NUDT5: variants seen among roughly 807,000 people sequenced by gnomAD.
NUDT5 encodes the protein ADP-sugar pyrophosphatase.
In NUDT5, 21 loss-of-function variants were observed where a neutral mutation model predicts 34.1. The observed-to-expected ratio is 0.62, with a 90% CI of 0.44 to 0.89. The LOEUF (loss-of-function observed/expected upper bound fraction) is 0.89. Ranked by LOEUF, NUDT5 falls within the 40% of genes least tolerant of loss-of-function variation. The pLI is 0.00. For missense variants in NUDT5, 249 were observed against 274.8 expected (o/e 0.91, Z 0.66); for synonymous variants, 85 against 97.6 (o/e 0.87, Z 0.76).
intron 1 of NUDT5, among the ~76,000 whole-genome samples, chr10:12,188,604 G>A (rs577194291): frequency 7.2e-5 from 11 of 152,142 alleles, no homozygotes; most frequent in South Asian, 2.1e-4. Flanking sequence ...GGTGGGGTGC[G>A]CCTGTAGCCC....
intron 1 of NUDT5, among the ~76,000 whole-genome samples, chr10:12,194,461 G>A (rs1423120210): frequency 6.6e-6 from 1 of 152,174 alleles, no homozygotes; most frequent in Non-Finnish European, 1.5e-5. Flanking sequence ...AGAAAGGACT[G>A]CATAGTTCCG....
intron 1 of NUDT5, among the ~76,000 whole-genome samples, chr10:12,192,311 A>G (rs1032776319): frequency 4.0e-5 from 6 of 151,810 alleles, no homozygotes; most frequent in African/African-American, 1.5e-4. Context: ...TCCAAAAAAA[A>G]AAAGAAAAGA....
In NUDT5 at chr10:12,165,937, A is replaced by G. The variant is rs1010874407; in HGVS notation, c.*1765T>C. 1 of 152,234 alleles carries G rather than the reference A, an allele frequency of 6.6e-6. No individual in the cohort carries two copies. The highest frequency in any genetic ancestry group is 2.4e-5 in the African/African-American group (1 of 41,458). The allele number at this position is 152,234 out of a possible 1,614,324, so 9.4% of individuals were successfully genotyped here. On this transcript the variant is annotated 3_prime_UTR_variant, in exon 10 of 10. Transcript: ENST00000491614. ...ATTTTTTTTTCCCTTAAGAAGGTGG[A>G]AATATGGCTTTTAATACATAGGAAA...
Position 12,182,976 on chromosome 10 carries a change from A to C in NUDT5, c.131+1913T>G, listed in dbSNP as rs1401284414. On this transcript the variant is annotated intron_variant, in intron 3 of 9. Transcript: ENST00000491614. This position sits in a 1 kb window ranked among gnomAD's most constrained non-coding sequence, Gnocchi z 4.3. The stretch of plus-strand genomic sequence containing the variant: ...GGTCTCGAACTCTTGACCTCAAGTG[A>C]TCCACCCACCTTGGCCTCCCAAAGT... 1.3e-5 allele frequency among the ~76,000 whole-genome samples: 2 copies of C among 152,164 alleles called. No individual in the cohort carries two copies. Among genetic ancestry groups the C allele is most frequent in the African/African-American group, 4.8e-5 (2 of 41,436 alleles).
Position 12,169,378 on chromosome 10 carries a change from A to G in NUDT5, c.550+1339T>C. On this transcript the variant is annotated intron_variant, in intron 9 of 9. Transcript: ENST00000491614. The surrounding 1 kb of genome is among the most constrained non-coding windows in gnomAD (Gnocchi z 4.8). Reference sequence around the variant, plus strand: ...ACTTGCCTACGTCACCCTGCTTTCCACGCACCTCCTCAGAGGGAGGGGCTG... The same window carrying G: ...ACTTGCCTACGTCACCCTGCTTTCCGCGCACCTCCTCAGAGGGAGGGGCTG... 8.0e-7 allele frequency: 1 copy of G among 1,255,146 alleles called. No individual in the cohort carries two copies. The highest frequency in any genetic ancestry group is 2.2e-5 in the Admixed American group (1 of 46,288). 77.8% of individuals were successfully genotyped at this position (1,255,146 alleles called of 1,614,324 possible). A position where few individuals can be genotyped will look rare whatever the true frequency, so the allele number is the denominator to read the frequency against.
At chr10:12,191,389 AAAAAC>A (rs751960228) in intron 1 of NUDT5, among the ~76,000 whole-genome samples, 4 of 144,502 alleles carry the variant, frequency 2.8e-5, no homozygotes, top group African/African-American at 5.2e-5. Flanking sequence ...TCTCAAAAAC[AAAAAC>A]AAAACAAAAC....
At chr10:12,177,144 A>G (rs188382099) in intron 5 of NUDT5, among the ~76,000 whole-genome samples, 144 of 151,172 alleles carry the variant, frequency 9.5e-4, no homozygotes, top group African/African-American at 3.3e-3. Flanking sequence ...AGCCTGGCCT[A>G]CTTATCATTG....
At chr10:12,194,268 C>G (rs1452124366) in intron 1 of NUDT5, among the ~76,000 whole-genome samples, 1 of 152,270 alleles carries the variant, frequency 6.6e-6, no homozygotes, top group Non-Finnish European at 1.5e-5. Context: ...TCATTCCTAT[C>G]TTCATTAGAA....
chr10:12,184,841 C>A, intron 3 of NUDT5, 48 bp downstream of exon 3: 1 of 1,071,988 alleles, frequency 9.3e-7, no homozygotes, highest in East Asian at 2.4e-5. Context: ...AACAGATAAC[C>A]TGAGAACCCA....
Position 12,171,046 on chromosome 10 carries a change from G to C in NUDT5, c.488-138C>G. ...TCTGCTAACTTAATTTATATACATT[G>C]TCAAACTCGAGCAGTATGAAGTTAT... On this transcript the variant is annotated intron_variant, in intron 7 of 9. Transcript: ENST00000491614. This position sits in a 1 kb window ranked among gnomAD's most constrained non-coding sequence, Gnocchi z 4.2. 8.0e-6 allele frequency: 7 copies of C among 870,556 alleles called. 1 individual carries two copies. In the South Asian group the frequency reaches 1.1e-4, roughly 14 times the overall value. 53.9% of individuals were successfully genotyped at this position (870,556 alleles called of 1,614,324 possible).
Position 12,177,875 on chromosome 10 carries a change from C to T in NUDT5, c.207G>A (p.Gln69=). The change falls in exon 5 of 10, where the codon CAG becomes CAA. Residue 69 remains glutamine, a synonymous_variant. Transcript: ENST00000491614. ...CGATACACTCATAGTGAAGTGTTCTCTGCAGCACGGGGATGACCGCGACAC... is the reference window on the plus strand; with the variant it reads ...CGATACACTCATAGTGAAGTGTTCTTTGCAGCACGGGGATGACCGCGACAC... ...ADGVAVIPVL[Q]RTLHYECIVL... 1 of 1,614,112 alleles carries T rather than the reference C, an allele frequency of 6.2e-7. No individual in the cohort carries two copies. The highest frequency in any genetic ancestry group is 8.5e-7 in the Non-Finnish European group (1 of 1,179,990).
chr10:12,170,661 T>C lies in NUDT5; in HGVS notation c.550+56A>G. ...GAGTTATATTTAGTACCCAGTTTGC[T>C]GGGATGGGGACGGGGAGAACTGGAG... On this transcript the variant is annotated intron_variant, in intron 9 of 9. Coordinates refer to ENST00000491614, the MANE Select transcript of NUDT5 (RefSeq NM_014142.4). The surrounding 1 kb of genome is among the most constrained non-coding windows in gnomAD (Gnocchi z 4.9). 1 of 1,514,706 alleles carries C rather than the reference T, an allele frequency of 6.6e-7. No individual in the cohort carries two copies. Among genetic ancestry groups the C allele is most frequent in the Non-Finnish European group, 9.2e-7 (1 of 1,091,210 alleles). 93.8% of individuals were successfully genotyped at this position (1,514,706 alleles called of 1,614,324 possible). A position where few individuals can be genotyped will look rare whatever the true frequency, so the allele number is the denominator to read the frequency against.
Position 12,173,733 on chromosome 10 carries a change from C to G in NUDT5, c.370G>C (p.Ala124Pro). ...CAATACCAACCTGGAGAACATTCGG[C>G]AATGTCCCCTTTGTAGCCAGTTTCT... Reference protein sequence around the residue: ...EEETGYKGDIAECSPAVCMDP... With the variant: ...EEETGYKGDIPECSPAVCMDP... The change falls in exon 6 of 10, where the codon GCC becomes CCC. Residue 124 changes from alanine (A) to proline (P), a missense_variant. By Grantham distance (27) the Ala-to-Pro change is conservative (BLOSUM62 -1). Transcript: ENST00000491614. The surrounding 1 kb of genome is among the most constrained non-coding windows in gnomAD (Gnocchi z 4.7). 1 of 1,613,514 alleles carries G rather than the reference C, an allele frequency of 6.2e-7. No homozygotes were observed. Among genetic ancestry groups the G allele is most frequent in the South Asian group, 1.1e-5 (1 of 91,080 alleles).
intron 1 of NUDT5, among the ~76,000 whole-genome samples, chr10:12,194,765 G>C (rs553171435): frequency 6.6e-6 from 1 of 152,190 alleles, no homozygotes; most frequent in Non-Finnish European, 1.5e-5. Flanking sequence ...AACTACTTAG[G>C]TGAACCAGGA....
In NUDT5 at chr10:12,171,648, G is replaced by C. The variant is rs1162695904; in HGVS notation, c.488-740C>G. Among the ~76,000 whole-genome samples, 2 of 151,734 alleles carry C rather than the reference G, an allele frequency of 1.3e-5. No homozygotes were observed. The highest frequency in any genetic ancestry group is 2.9e-5 in the Non-Finnish European group (2 of 67,916). On this transcript the variant is annotated intron_variant, in intron 7 of 9. Transcript: ENST00000491614. The surrounding 1 kb of genome is among the most constrained non-coding windows in gnomAD (Gnocchi z 4.2). ...AGGAACTGCCAAACTTTTCCACAGT[G>C]TCTCATATGTATATGTGCAGTTCAA...
rs1834793946 is a variant in NUDT5 at position 12,169,312 on chromosome 10, G to A, written c.550+1405C>T. Reference sequence around the variant, plus strand: ...GAGAAGGAAGACATTTTACAAAAAGGATACTCTTCTACTAAAAGATAACCC... The same window carrying A: ...GAGAAGGAAGACATTTTACAAAAAGAATACTCTTCTACTAAAAGATAACCC... On this transcript the variant is annotated intron_variant, in intron 9 of 9. Transcript: ENST00000491614. The surrounding 1 kb of genome is among the most constrained non-coding windows in gnomAD (Gnocchi z 4.8). 2 of 1,555,050 alleles carry A rather than the reference G, an allele frequency of 1.3e-6. No individual in the cohort carries two copies. Among genetic ancestry groups the A allele is most frequent in the Non-Finnish European group, 1.7e-6 (2 of 1,148,106 alleles).
In NUDT5 at chr10:12,171,861, A is replaced by G. The variant is rs983214079; in HGVS notation, c.487+904T>C. Among the ~76,000 whole-genome samples the G allele has an allele frequency of 1.3e-5, 2 of 151,804 alleles. No homozygotes were observed. The highest frequency in any genetic ancestry group is 4.8e-5 in the African/African-American group (2 of 41,276). On this transcript the variant is annotated intron_variant, in intron 7 of 9. Coordinates refer to ENST00000491614, the MANE Select transcript of NUDT5 (RefSeq NM_014142.4). This position sits in a 1 kb window ranked among gnomAD's most constrained non-coding sequence, Gnocchi z 4.2. Reference sequence around the variant, plus strand: ...TGTCTCAGCTTCCCGAGTAGCTGGGATTACAGGTGCGCACCACCATGCCTG... The same window carrying G: ...TGTCTCAGCTTCCCGAGTAGCTGGGGTTACAGGTGCGCACCACCATGCCTG...
intron 3 of NUDT5, among the ~76,000 whole-genome samples, chr10:12,179,455 A>G (rs1835010771): frequency 6.6e-6 from 1 of 152,228 alleles, no homozygotes; most frequent in Admixed American, 6.5e-5. Context: ...CAAGGAGCAC[A>G]GCCAGTGACA....
chr10:12,170,085 T>C lies in NUDT5; in HGVS notation c.550+632A>G. On this transcript the variant is annotated intron_variant, in intron 9 of 9. Transcript: ENST00000491614. This position sits in a 1 kb window ranked among gnomAD's most constrained non-coding sequence, Gnocchi z 4.9. Reference sequence around the variant, plus strand: ...TCTCCACACAGTATCTCCTCATGTCTCCATACAGTATCTCCTCTCGTGGTT... The same window carrying C: ...TCTCCACACAGTATCTCCTCATGTCCCCATACAGTATCTCCTCTCGTGGTT... 2.5e-6 allele frequency: 4 copies of C among 1,605,762 alleles called. No homozygotes were observed. In the East Asian group the frequency reaches 6.7e-5, roughly 27 times the overall value.
Sources: allele counts gnomAD v4.1 joint callset (sites outside exome capture counted in the v4.1 genomes callset), GRCh38; gene constraint gnomAD v4.1.1; non-coding constraint Gnocchi (gnomAD v3.1); transcripts MANE v1.5; gene names NCBI Gene and HGNC (gene_info 2026-07-23, HGNC 2026-07-21).